AJAP1: variants seen among roughly 807,000 people sequenced by gnomAD.
AJAP1 encodes adherens junction-associated protein 1.
AJAP1 carries 5 observed loss-of-function variants against 35.0 expected under a neutral mutation model. The observed-to-expected ratio is 0.14, with a 90% CI of 0.07 to 0.30. The LOEUF (loss-of-function observed/expected upper bound fraction) is 0.30, where lower values mean the gene tolerates loss of function less well. Ranked by LOEUF, AJAP1 falls within the 10% of genes least tolerant of loss-of-function variation. The pLI is 1.00. For synonymous variants in AJAP1, 284 were observed against 249.3 expected, an observed-to-expected ratio of 1.14 and a Z score of -1.31; for missense variants, 586 against 571.0, an observed-to-expected ratio of 1.03 and a Z score of -0.27.
Position 4,791,939 on chromosome 1 carries a change from A to AACC in AJAP1, c.*9457_*9459dup, listed in dbSNP as rs2100389412. 1.3e-5 allele frequency: 2 copies of AACC among 152,320 alleles called. No individual in the cohort carries two copies. Among genetic ancestry groups the AACC allele is most frequent in the African/African-American group, 4.8e-5 (2 of 41,570 alleles). The allele number at this position is 152,320 out of a possible 1,614,324, so 9.4% of individuals were successfully genotyped here. On this transcript the variant is annotated 3_prime_UTR_variant, in exon 6 of 6. Coordinates refer to ENST00000378191, the MANE Select transcript of AJAP1 (RefSeq NM_018836.4). Reference sequence around the variant, plus strand: ...CTAGAAATTCACAAACCTGAAGCTGAACCACAGGACAAGAAATTAAACAGC... The same window carrying AACC: ...CTAGAAATTCACAAACCTGAAGCTGAACCACCACAGGACAAGAAATTAAACAGC...
intron 2 of AJAP1, among the ~76,000 whole-genome samples, chr1:4,738,355 T>C (rs1355184980): frequency 6.6e-6 from 1 of 151,850 alleles, no homozygotes; most frequent in Non-Finnish European, 1.5e-5. Context: ...AGCATAAGAG[T>C]CTCTGCAAGA....
intron 2 of AJAP1, among the ~76,000 whole-genome samples, chr1:4,715,914 C>T (rs1466597266): frequency 1.3e-5 from 2 of 152,226 alleles, no homozygotes; most frequent in Non-Finnish European, 2.9e-5. Flanking sequence ...TTGCCACATA[C>T]TGGGGGGCAC....
chr1:4,779,748 G>A (rs1241233489), intron 5 of AJAP1, among the ~76,000 whole-genome samples: 1 of 152,066 alleles, frequency 6.6e-6, no homozygotes, highest in Non-Finnish European at 1.5e-5. Flanking sequence ...CCAGGACACC[G>A]GGACCCAGTG....
chr1:4,692,624 A>C lies in AJAP1; in HGVS notation c.30-19276A>C, dbSNP rs1557611542. Among the ~76,000 whole-genome samples the C allele has an allele frequency of 6.6e-6, 1 of 152,084 alleles. No individual in the cohort carries two copies. The highest frequency in any genetic ancestry group is 1.5e-5 in the Non-Finnish European group (1 of 68,022). ...TGGACCCCACAAATCAAGCCTCATCATTCCTTCTCTCCCTGCCTCCTGTCC... is the reference window on the plus strand; with the variant it reads ...TGGACCCCACAAATCAAGCCTCATCCTTCCTTCTCTCCCTGCCTCCTGTCC... On this transcript the variant is annotated intron_variant, in intron 1 of 5. Coordinates refer to ENST00000378191, the MANE Select transcript of AJAP1 (RefSeq NM_018836.4). This position sits in a 1 kb window ranked among gnomAD's most constrained non-coding sequence, Gnocchi z 4.4.
chr1:4,676,474 T>C (rs1639366011), intron 1 of AJAP1, among the ~76,000 whole-genome samples: 1 of 152,170 alleles, frequency 6.6e-6, no homozygotes, highest in African/African-American at 2.4e-5. Flanking sequence ...CCTGGGGGCC[T>C]GAAGCCACCT....
chr1:4,769,685 CGAGGAGGAGAGAACT>C (rs1225176160), intron 2 of AJAP1, among the ~76,000 whole-genome samples, 153 bp from the exon 3 acceptor site: 1 of 152,116 alleles, frequency 6.6e-6, no homozygotes, highest in Non-Finnish European at 1.5e-5. Flanking sequence ...GGCCTGCAGT[CGAGGAGGAGAGAACT>C]GAGCACCTGT....
At chr1:4,732,874 C>A (rs1640832710) in intron 2 of AJAP1, among the ~76,000 whole-genome samples, 1 of 152,184 alleles carries the variant, frequency 6.6e-6, no homozygotes, top group South Asian at 2.1e-4. Context: ...TCTTTTCTTT[C>A]CCCTGACGCT....
intron 1 of AJAP1, among the ~76,000 whole-genome samples, chr1:4,657,306 T>C (rs1033193088): frequency 5.3e-5 from 8 of 152,124 alleles, no homozygotes; most frequent in Admixed American, 3.9e-4. Flanking sequence ...CTTTCGTTTT[T>C]CCCCCCTCGA....
At chr1:4,672,950 A>G (rs1372747256) in intron 1 of AJAP1, among the ~76,000 whole-genome samples, 3 of 152,124 alleles carry the variant, frequency 2.0e-5, no homozygotes, top group Admixed American at 6.5e-5. Flanking sequence ...GTGGCCTGAG[A>G]GATCTGAAAC....
chr1:4,755,162 G>C (rs1454935366), intron 2 of AJAP1, among the ~76,000 whole-genome samples: 1 of 152,200 alleles, frequency 6.6e-6, no homozygotes, highest in Non-Finnish European at 1.5e-5. Context: ...GAGGGTAACT[G>C]GGGGCCTTTC....
chr1:4,703,776 C>T (rs1053011226), intron 1 of AJAP1, among the ~76,000 whole-genome samples: 21 of 152,198 alleles, frequency 1.4e-4, no homozygotes, highest in Non-Finnish European at 2.9e-4. Context: ...GGACCCTGAG[C>T]CCACGCCCTT....
rs569982649 is a variant in AJAP1, at chr1:4,690,476, C to T, written c.30-21424C>T. The stretch of plus-strand genomic sequence containing the variant: ...CAACCAGGAGCTGTCACCAGGGGCG[C>T]GTGGAGGTGGCTGCAGTACGGGAGA... On this transcript the variant is annotated intron_variant, in intron 1 of 5. Transcript: ENST00000378191. Among the ~76,000 whole-genome samples the T allele has an allele frequency of 3.3e-5, 5 of 152,312 alleles. No homozygotes were observed. In the East Asian group the frequency reaches 5.8e-4, roughly 18 times the overall value.
intron 2 of AJAP1, among the ~76,000 whole-genome samples, chr1:4,735,437 C>T (rs994813413): frequency 3.9e-5 from 6 of 152,172 alleles, no homozygotes; most frequent in African/African-American, 1.2e-4. Flanking sequence ...TTGAATGTCT[C>T]GCCCATCCAA....
At chr1:4,732,232 G>A (rs1640816745) in intron 2 of AJAP1, among the ~76,000 whole-genome samples, 1 of 152,274 alleles carries the variant, frequency 6.6e-6, no homozygotes, top group African/African-American at 2.4e-5. Context: ...AAGAGACTGA[G>A]AAGGGAGCAG....
chr1:4,730,155 C>A (rs926550363), intron 2 of AJAP1, among the ~76,000 whole-genome samples: 1 of 152,222 alleles, frequency 6.6e-6, no homozygotes, highest in African/African-American at 2.4e-5. Context: ...AGATTCCACC[C>A]CTACAAGAAT....
At chr1:4,761,508 C>T (rs1204947646) in intron 2 of AJAP1, among the ~76,000 whole-genome samples, 7 of 152,218 alleles carry the variant, frequency 4.6e-5, no homozygotes, top group East Asian at 1.9e-4. Flanking sequence ...TCTCCCTGGA[C>T]CATGATGCCA....
At chr1:4,680,285 AC>A (rs901413252) in intron 1 of AJAP1, among the ~76,000 whole-genome samples, 1 of 152,176 alleles carries the variant, frequency 6.6e-6, no homozygotes, top group African/African-American at 2.4e-5. Flanking sequence ...ACATCTGGGC[AC>A]CCCGTAGCCC....
Position 4,717,704 on chromosome 1 carries a change from C to T in AJAP1, c.829+5005C>T, listed in dbSNP as rs3766958. ...GGTGTCATTTTCTCTGCACCCCAGC[C>T]GTCAGCTGACCTAAGCATCAATGCA... On this transcript the variant is annotated intron_variant, in intron 2 of 5. Transcript: ENST00000378191. Among the ~76,000 whole-genome samples, 40 of 152,256 alleles carry T rather than the reference C, an allele frequency of 2.6e-4. No homozygotes were observed. The East Asian group carries it at 6.2e-3, about 24-fold the overall frequency.
At chr1:4,761,929 T>C (rs1348187573) in intron 2 of AJAP1, among the ~76,000 whole-genome samples, 3 of 152,148 alleles carry the variant, frequency 2.0e-5, no homozygotes, top group Non-Finnish European at 4.4e-5. Flanking sequence ...GACTCAAATG[T>C]TAATCTCCTT....
Sources: gnomAD v4.1 joint callset for allele counts (sites outside exome capture counted in the v4.1 genomes callset) on GRCh38, gnomAD v4.1.1 for gene constraint, Gnocchi (gnomAD v3.1) non-coding constraint, MANE v1.5 for transcripts, NCBI Gene and HGNC (gene_info 2026-07-23, HGNC 2026-07-21) for gene names.